The following ANKFY1 variants were observed in gnomAD, a reference collection of about 807,000 sequenced individuals.
ANKFY1 encodes the protein ankyrin repeat and FYVE domain containing 1.
ANKFY1 carries 47 observed loss-of-function variants against 128.3 expected under a neutral mutation model. The observed-to-expected ratio is 0.37, with a 90% confidence interval of 0.29 to 0.47. The LOEUF is 0.47. Among genes scored for constraint, ANKFY1 ranks in the 20% least tolerant of loss-of-function variants. ANKFY1 has a pLI of 1.00. For synonymous variants in ANKFY1, 553 were observed against 601.6 expected (o/e 0.92, Z 1.18); for missense variants, 1,222 against 1,510.6 (o/e 0.81, Z 3.17).
At chr17:4,240,543 C>G (rs2143355556) in intron 2 of ANKFY1, among the ~76,000 whole-genome samples, 1 of 152,154 alleles carries the variant, frequency 6.6e-6, no homozygotes, top group African/African-American at 2.4e-5. Flanking sequence ...AGGCACCCAC[C>G]ACCACACCCA....
intron 4 of ANKFY1, among the ~76,000 whole-genome samples, chr17:4,210,351 A>G (rs1238739698): frequency 1.3e-5 from 2 of 152,252 alleles, no homozygotes; most frequent in Non-Finnish European, 2.9e-5. Context: ...TGCATGATGC[A>G]AACAGTGTGT....
chr17:4,221,880 G>C (rs2060320355), intron 3 of ANKFY1, among the ~76,000 whole-genome samples: 1 of 152,214 alleles, frequency 6.6e-6, no homozygotes, highest in African/African-American at 2.4e-5. Flanking sequence ...GCCTCCCAAA[G>C]TGCTGGGATT....
intron 3 of ANKFY1, among the ~76,000 whole-genome samples, chr17:4,224,681 G>A (rs2060393636): frequency 6.6e-6 from 1 of 151,950 alleles, no homozygotes; most frequent in Non-Finnish European, 1.5e-5. Flanking sequence ...TTTTTTTAGT[G>A]AAAAGGAATT....
chr17:4,179,703 A>C lies in ANKFY1; in HGVS notation c.2397+18T>G, dbSNP rs201084998. On this transcript the variant is annotated intron_variant, in intron 17 of 24. Transcript: ENST00000341657. ...GCTGGGGCTACACCTCTCTCCCCGG[A>C]AAAGAGAAACGACACACCTGTGCGT... The C allele has an allele frequency of 6.2e-7, 1 of 1,612,392 alleles. No homozygotes were observed.
intron 1 of ANKFY1, among the ~76,000 whole-genome samples, chr17:4,250,636 C>CA (rs1205347135): frequency 1.3e-5 from 2 of 151,394 alleles, no homozygotes; most frequent in African/African-American, 4.9e-5. Flanking sequence ...AAAATCCCAG[C>CA]AAACTGTGTT....
At chr17:4,207,151 C>A (rs1347845360) in intron 6 of ANKFY1, among the ~76,000 whole-genome samples, 1 of 152,098 alleles carries the variant, frequency 6.6e-6, no homozygotes, top group East Asian at 1.9e-4. Flanking sequence ...CACAGAGGGC[C>A]CGACCCGTCT....
At chr17:4,183,941 G>A in intron 12 of ANKFY1, 31 bp from the exon 13 acceptor site, 1 of 1,556,248 alleles carries the variant, frequency 6.4e-7, no homozygotes, top group Non-Finnish European at 8.9e-7. Flanking sequence ...AAGAACACTT[G>A]ATGTCACCAT....
chr17:4,183,188 C>T (rs766751963), intron 14 of ANKFY1, among the ~76,000 whole-genome samples: 1 of 152,202 alleles, frequency 6.6e-6, no homozygotes, highest in Non-Finnish European at 1.5e-5. Context: ...AAGGTTCAAA[C>T]AAGAGCAAAG....
intron 7 of ANKFY1, among the ~76,000 whole-genome samples, chr17:4,198,834 T>C (rs1006056984): frequency 2.0e-5 from 3 of 152,236 alleles, no homozygotes; most frequent in Non-Finnish European, 2.9e-5. Flanking sequence ...ATCCCTTCCA[T>C]TGACTTACCT....
intron 10 of ANKFY1, chr17:4,194,667 C>A (rs1368768883): frequency 3.2e-5 from 12 of 370,312 alleles, no homozygotes; most frequent in African/African-American, 8.2e-5. Context: ...TTATAACCCA[C>A]CTAAAGAAAA....
chr17:4,206,895 G>A (rs75960373), intron 6 of ANKFY1, among the ~76,000 whole-genome samples: 2,894 of 152,194 alleles, frequency 0.019, 97 homozygotes, highest in African/African-American at 0.066. Context: ...CTGGACACCC[G>A]GGATAAAACA....
At chr17:4,262,051 C>T (rs1290237956) in intron 1 of ANKFY1, among the ~76,000 whole-genome samples, 1 of 152,182 alleles carries the variant, frequency 6.6e-6, no homozygotes, top group Non-Finnish European at 1.5e-5. Flanking sequence ...GCCTGCCGGG[C>T]GCGATGGCTC....
intron 4 of ANKFY1, among the ~76,000 whole-genome samples, chr17:4,214,804 C>A (rs2060193872): frequency 1.3e-5 from 2 of 151,846 alleles, no homozygotes; most frequent in South Asian, 4.2e-4. Flanking sequence ...TTTCATATCA[C>A]TCTTGAGTGG....
At chr17:4,172,298 A>C (rs1234004581) in intron 22 of ANKFY1, among the ~76,000 whole-genome samples, 1 of 152,170 alleles carries the variant, frequency 6.6e-6, no homozygotes, top group African/African-American at 2.4e-5. Flanking sequence ...AAATGAGGGA[A>C]ATAAAAACAG....
intron 1 of ANKFY1, among the ~76,000 whole-genome samples, chr17:4,260,326 G>A (rs553904966): frequency 6.6e-6 from 1 of 152,116 alleles, no homozygotes; most frequent in East Asian, 1.9e-4. Flanking sequence ...ACTTACAAAC[G>A]AAGCTTAGGG....
intron 3 of ANKFY1, among the ~76,000 whole-genome samples, chr17:4,226,764 A>G (rs1037375779): frequency 6.6e-6 from 1 of 151,568 alleles, no homozygotes; most frequent in African/African-American, 2.4e-5. Flanking sequence ...AAAAGAAATC[A>G]ATAAAATAGA....
At chr17:4,233,453 T>C (rs986111455) in intron 3 of ANKFY1, among the ~76,000 whole-genome samples, 1 of 152,220 alleles carries the variant, frequency 6.6e-6, no homozygotes, top group African/African-American at 2.4e-5. Context: ...GCAAATGTTT[T>C]TAGTTACTGG....
intron 13 of ANKFY1, 46 bp downstream of exon 13, chr17:4,183,766 G>T: frequency 6.4e-7 from 1 of 1,559,206 alleles, no homozygotes; most frequent in African/African-American, 1.4e-5. Context: ...CCCCACTTCG[G>T]ACAGCTGTCT....
Position 4,263,966 on chromosome 17 carries a change from C to G in ANKFY1, c.-25G>C. 6.2e-7 allele frequency: 1 copy of G among 1,613,984 alleles called. No homozygotes were observed. The highest frequency in any genetic ancestry group is 8.5e-7 in the Non-Finnish European group (1 of 1,179,952). ...TGTCTGGCCCGGCACTGCCTGCAAC[C>G]TCGCGAGAAGTGCGCGGCTCAACCG... On this transcript the variant is annotated 5_prime_UTR_variant, in exon 1 of 25. Coordinates refer to ENST00000341657, the MANE Select transcript of ANKFY1 (RefSeq NM_001330063.2).
Sources: allele counts gnomAD v4.1 joint callset (sites outside exome capture counted in the v4.1 genomes callset), GRCh38; gene constraint gnomAD v4.1.1; transcripts MANE v1.5; gene names NCBI Gene and HGNC (gene_info 2026-07-23, HGNC 2026-07-21).